The following RGS20 variants were observed in gnomAD, a reference collection of about 807,000 sequenced individuals.
RGS20 encodes gz-selective GTPase-activating protein.
RGS20 carries 30 observed loss-of-function variants against 33.6 expected under a neutral mutation model. The ratio of observed to expected loss-of-function variants is 0.89; its 90% confidence interval spans 0.67 to 1.21. RGS20 has a LOEUF of 1.21. Among genes scored for constraint, RGS20 ranks in the 50% most tolerant of loss-of-function variants. The pLI is 0.00. For synonymous variants in RGS20, 208 were observed against 197.9 expected (o/e 1.05, Z -0.43); for missense variants, 472 against 502.4 (o/e 0.94, Z 0.58).
chr8:53,950,656 C>T (rs1305915565), intron 4 of RGS20, among the ~76,000 whole-genome samples: 1 of 151,612 alleles, frequency 6.6e-6, no homozygotes, highest in Admixed American at 6.6e-5. Context: ...ATTCTGTCAC[C>T]CAGGCTGGCA....
chr8:53,898,530 T>C (rs891910776), intron 2 of RGS20, among the ~76,000 whole-genome samples: 18 of 152,224 alleles, frequency 1.2e-4, no homozygotes, highest in Non-Finnish European at 4.4e-5. Flanking sequence ...TCATATCAAA[T>C]GTCAATTCAC....
intron 2 of RGS20, among the ~76,000 whole-genome samples, chr8:53,885,731 C>T (rs1028000081): frequency 7.9e-5 from 12 of 151,112 alleles, no homozygotes; most frequent in African/African-American, 2.9e-4. Flanking sequence ...TGCCTGCATC[C>T]TTGAAAAAGG....
At chr8:53,895,012 A>G (rs938013914) in intron 2 of RGS20, among the ~76,000 whole-genome samples, 9 of 152,170 alleles carry the variant, frequency 5.9e-5, no homozygotes, top group Admixed American at 4.6e-4. Context: ...CTACTGTAGC[A>G]GAAAGCTGTG....
chr8:53,883,035 G>C (rs1214454618), intron 2 of RGS20, among the ~76,000 whole-genome samples: 1 of 152,110 alleles, frequency 6.6e-6, no homozygotes, highest in African/African-American at 2.4e-5. Flanking sequence ...CTATCTGTAA[G>C]TTTTTTGGCA....
chr8:53,900,465 A>G (rs1812983549), intron 2 of RGS20, among the ~76,000 whole-genome samples: 1 of 152,166 alleles, frequency 6.6e-6, no homozygotes, highest in African/African-American at 2.4e-5. Context: ...TAAAACACCT[A>G]TAAGGTCTTT....
chr8:53,879,091 G>C (rs912826383), intron 1 of RGS20, among the ~76,000 whole-genome samples: 8 of 152,152 alleles, frequency 5.3e-5, no homozygotes, highest in African/African-American at 1.9e-4. Flanking sequence ...GGAAATACAG[G>C]AGTGGGAGGG....
chr8:53,882,584 A>G (rs1291190716), intron 2 of RGS20, among the ~76,000 whole-genome samples: 1 of 150,234 alleles, frequency 6.7e-6, no homozygotes, highest in Non-Finnish European at 1.5e-5. Context: ...CCGTCTCGTA[A>G]CTTGGCAAAA....
chr8:53,863,424 A>G (rs1421479738), intron 1 of RGS20, among the ~76,000 whole-genome samples: 1 of 152,176 alleles, frequency 6.6e-6, no homozygotes, highest in Non-Finnish European at 1.5e-5. Flanking sequence ...CTTCTTTGCT[A>G]ATGCTTTTTA....
chr8:53,954,687 GC>G (rs1418501738), intron 5 of RGS20, among the ~76,000 whole-genome samples: 24 of 135,192 alleles, frequency 1.8e-4, no homozygotes, highest in African/African-American at 6.2e-4. Flanking sequence ...AAAAGTAATT[GC>G]CTTTTTTTTT....
intron 1 of RGS20, among the ~76,000 whole-genome samples, chr8:53,861,969 G>C (rs761945964): frequency 2.6e-5 from 4 of 152,108 alleles, no homozygotes; most frequent in African/African-American, 7.2e-5. Context: ...CCAAGCTTTG[G>C]GGGGGCCAAC....
intron 5 of RGS20, 29 bp downstream of exon 4, chr8:53,954,339 A>C (rs755482281): frequency 2.8e-6 from 4 of 1,448,530 alleles, no homozygotes; most frequent in Non-Finnish European, 3.9e-6. Context: ...CCTTTTCCCA[A>C]GGCTGTTGGT....
At position 53,958,292 on chromosome 8, in the gene RGS20, G is replaced by A; in HGVS notation, c.1001G>A (p.Arg334Lys). ...CAGGTGAGCTTAGACTCCCGGGTGA[G>A]AGAAGTGATCAACAGAAACATGGTG... Residue 334 changes from arginine to lysine, a missense_variant, in exon 6 of 6, where the codon AGA (arginine) becomes AAA (lysine). Physicochemically the swap from Arg to Lys is conservative, Grantham distance 26. Around this residue, in one of 3 missense-constraint regions of RGS20, gnomAD observed 125 missense variants for 169.5 expected, o/e 0.74. Coordinates refer to ENST00000297313, the MANE Select transcript of RGS20 (RefSeq NM_170587.4). 6 of 1,612,696 alleles carry A rather than the reference G, an allele frequency of 3.7e-6. No individual in the cohort carries two copies. The highest frequency in any genetic ancestry group is 5.1e-6 in the Non-Finnish European group (6 of 1,179,312).
intron 2 of RGS20, chr8:53,880,892 C>T (rs1413059049): frequency 1.3e-6 from 2 of 1,490,732 alleles, no homozygotes; most frequent in East Asian, 5.2e-5. Context: ...GAGGAAGAGG[C>T]CGGGAGAAGA....
chr8:53,928,085 T>C (rs1433360737), intron 2 of RGS20, among the ~76,000 whole-genome samples: 1 of 152,196 alleles, frequency 6.6e-6, no homozygotes, highest in African/African-American at 2.4e-5. Flanking sequence ...TTTTTTAATC[T>C]AAAAGAATTC....
chr8:53,947,348 TATA>T lies in RGS20; in HGVS notation c.743+601_743+603del, dbSNP rs1343428148. Among the ~76,000 whole-genome samples the T allele has an allele frequency of 5.4e-4, 74 of 137,396 alleles. 2 individuals carry two copies. The East Asian group carries it at 0.012, about 22-fold the overall frequency. The allele number at this position is 137,396 out of a possible 152,430, so 90.1% of individuals were successfully genotyped here. A position where few individuals can be genotyped will look rare whatever the true frequency, so the allele number is the denominator to read the frequency against. Reference sequence around the variant, plus strand: ...TATATGCTATATATAAGATAGTATATATATTATATATGCTATATATAAGATATA... The same window carrying T: ...TATATGCTATATATAAGATAGTATATTTATATATGCTATATATAAGATATA... On this transcript the variant is annotated intron_variant, in intron 4 of 5. Coordinates refer to ENST00000297313, the MANE Select transcript of RGS20 (RefSeq NM_170587.4).
At chr8:53,895,739 G>A (rs904468969) in intron 2 of RGS20, among the ~76,000 whole-genome samples, 11 of 151,370 alleles carry the variant, frequency 7.3e-5, no homozygotes, top group African/African-American at 2.7e-4. Context: ...CTGCCTCCCA[G>A]GTTCAAGCAG....
At chr8:53,939,808 T>A in intron 3 of RGS20, 84 bp downstream of exon 2, 1 of 1,419,598 alleles carries the variant, frequency 7.0e-7, no homozygotes, top group South Asian at 1.4e-5. Context: ...CCCCTGAAAG[T>A]GGTGGCAGCT....
intron 4 of RGS20, among the ~76,000 whole-genome samples, chr8:53,950,665 C>T (rs1011687517): frequency 6.6e-6 from 1 of 151,304 alleles, no homozygotes; most frequent in African/African-American, 2.4e-5. Flanking sequence ...CCCAGGCTGG[C>T]ATGCGGTGGC....
chr8:53,923,312 A>G (rs1813701867), intron 2 of RGS20, among the ~76,000 whole-genome samples: 1 of 152,180 alleles, frequency 6.6e-6, no homozygotes, highest in Admixed American at 6.5e-5. Flanking sequence ...AAAAAATATT[A>G]GGCCTGGCCT....
Sources: allele counts gnomAD v4.1 joint callset (sites outside exome capture counted in the v4.1 genomes callset), GRCh38; gene constraint gnomAD v4.1.1; regional missense constraint gnomAD v4.1.1; transcripts MANE v1.5; gene names NCBI Gene and HGNC (gene_info 2026-07-23, HGNC 2026-07-21).